ZIC4: variants seen among roughly 807,000 people sequenced by gnomAD.
ZIC4 encodes the protein Zic family zinc finger 4.
In ZIC4, 15 loss-of-function variants were observed where a neutral mutation model predicts 28.8. That is an observed-to-expected ratio of 0.52 (90% confidence interval 0.35 to 0.80). The LOEUF (loss-of-function observed/expected upper bound fraction) is 0.80. ZIC4 is among the 30% of genes least tolerant of loss of function. The pLI, the probability that ZIC4 is intolerant of heterozygous loss-of-function variation, is 0.01. For missense variants in ZIC4, 512 were observed against 467.1 expected (o/e 1.10, Z -0.89); for synonymous variants, 220 against 198.1 (o/e 1.11, Z -0.93).
chr3:147,403,004 A>G (rs1576464490), intron 1 of ZIC4, among the ~76,000 whole-genome samples, 192 bp from the exon 2 acceptor site: 1 of 152,310 alleles, frequency 6.6e-6, no homozygotes, highest in East Asian at 1.9e-4. Flanking sequence ...TTGCAAAATG[A>G]TATATCTTTG....
chr3:147,398,504 G>T (rs1384897740), intron 2 of ZIC4, among the ~76,000 whole-genome samples: 1 of 151,738 alleles, frequency 6.6e-6, no homozygotes, highest in Non-Finnish European at 1.5e-5. Flanking sequence ...GGCAAAAGCC[G>T]AGGGTCGGGG....
intron 3 of ZIC4, among the ~76,000 whole-genome samples, chr3:147,395,588 CAT>C (rs1355993459): frequency 6.6e-6 from 1 of 152,190 alleles, no homozygotes; most frequent in African/African-American, 2.4e-5. Context: ...GCAGAGAGCA[CAT>C]GTTTGCACAC....
intron 3 of ZIC4, among the ~76,000 whole-genome samples, chr3:147,395,486 G>C (rs1470684323): frequency 1.3e-5 from 2 of 152,170 alleles, no homozygotes; most frequent in African/African-American, 4.8e-5. Context: ...CAATTCCAAA[G>C]GGACAAGGAA....
chr3:147,398,920 T>A (rs954867492), intron 2 of ZIC4, among the ~76,000 whole-genome samples: 2 of 152,028 alleles, frequency 1.3e-5, no homozygotes, highest in African/African-American at 4.8e-5. Flanking sequence ...TGTATAACAG[T>A]TGGCAGATTC....
In ZIC4 at chr3:147,396,229, G is replaced by A. The variant is rs1266379551; in HGVS notation, c.311C>T (p.Thr104Met). The A allele has an allele frequency of 3.1e-6, 5 of 1,613,876 alleles. No homozygotes were observed. The highest frequency in any genetic ancestry group is 4.2e-6 in the Non-Finnish European group (5 of 1,179,922). The change falls in exon 3 of 5, where the codon ACG becomes ATG. Residue 104 changes from threonine to methionine, a missense_variant. Physicochemically the swap from Thr to Met is moderately conservative, Grantham distance 81. Around this residue, in one of 3 missense-constraint regions of ZIC4, gnomAD observed 310 missense variants for 256.5 expected, o/e 1.21. Transcript: ENST00000383075. This position sits in a 1 kb window ranked among gnomAD's most constrained non-coding sequence, Gnocchi z 4.2. Reference protein sequence around the residue: ...ALHGYGGMNLTVNLAAPHGPG... With the variant: ...ALHGYGGMNLMVNLAAPHGPG... ...ACCGTGGGGCGCAGCGAGGTTCACC[G>A]TCAGGTTCATGCCCCCGTAGCCATG...
chr3:147,397,431 C>T (rs1285388437), intron 2 of ZIC4, among the ~76,000 whole-genome samples: 3 of 152,062 alleles, frequency 2.0e-5, no homozygotes, highest in Non-Finnish European at 4.4e-5. Context: ...ACCCCCACAG[C>T]ATCTCAAGCT....
Position 147,402,806 on chromosome 3 carries a change from T to G in ZIC4, c.-9A>C. 1 of 1,613,456 alleles carries G rather than the reference T, an allele frequency of 6.2e-7. No individual in the cohort carries two copies. Among genetic ancestry groups the G allele is most frequent in the Non-Finnish European group, 8.5e-7 (1 of 1,179,832 alleles). Reference sequence around the variant, plus strand: ...GATGTCTTGTATCTCATTTTCTGACTTTGAGCCTGTTTGGGAAGAAAAGAG... The same window carrying G: ...GATGTCTTGTATCTCATTTTCTGACGTTGAGCCTGTTTGGGAAGAAAAGAG... On this transcript the variant is annotated 5_prime_UTR_variant, in exon 2 of 5. Transcript: ENST00000383075.
chr3:147,402,861 G>T, intron 1 of ZIC4, 49 bp from the exon 2 acceptor site: 1 of 1,484,834 alleles, frequency 6.7e-7, no homozygotes, highest in Non-Finnish European at 9.4e-7. Context: ...AATTTTACAC[G>T]TCTGTGTGGC....
intron 3 of ZIC4, chr3:147,393,613 G>A (rs1401599095): frequency 1.4e-5 from 4 of 281,806 alleles, no homozygotes; most frequent in African/African-American, 9.2e-5. Context: ...AACAAAGTTC[G>A]GAAGCTCGGG....
chr3:147,392,314 G>A, intron 3 of ZIC4: 10 of 985,746 alleles, frequency 1.0e-5, no homozygotes, highest in Non-Finnish European at 1.2e-5. Flanking sequence ...GCATAGGCCG[G>A]GGAGGGGCTG....
Position 147,395,869 on chromosome 3 carries a change from T to C in ZIC4, c.671A>G (p.His224Arg). ...VFARSENLKI[H>R]KRTHTGEKPF... The stretch of plus-strand genomic sequence containing the variant: ...ATACTGACCTGTGTGAGTTCGTTTG[T>C]GTATTTTGAGATTTTCTGATCTAGC... Residue 224 changes from histidine (H) to arginine (R), a missense_variant, in exon 3 of 5, where the codon CAC becomes CGC. Physicochemically the swap from His to Arg is conservative, Grantham distance 29. Around this residue, in one of 3 missense-constraint regions of ZIC4, gnomAD observed 58 missense variants for 93.8 expected, o/e 0.62. Coordinates refer to ENST00000383075, the MANE Select transcript of ZIC4 (RefSeq NM_032153.6). 2 of 1,613,476 alleles carry C rather than the reference T, an allele frequency of 1.2e-6. No individual in the cohort carries two copies. Among genetic ancestry groups the C allele is most frequent in the Non-Finnish European group, 1.7e-6 (2 of 1,179,566 alleles).
At chr3:147,397,703 G>A (rs1021635587) in intron 2 of ZIC4, among the ~76,000 whole-genome samples, 8 of 152,188 alleles carry the variant, frequency 5.3e-5, no homozygotes, top group African/African-American at 1.9e-4. Flanking sequence ...AGAGGAGGGG[G>A]TCGGGATCGA....
chr3:147,396,577 T>G lies in ZIC4; in HGVS notation c.71-108A>C. 1.5e-6 allele frequency: 2 copies of G among 1,357,672 alleles called. No individual in the cohort carries two copies. The highest frequency in any genetic ancestry group is 1.9e-6 in the Non-Finnish European group (2 of 1,039,374). 84.1% of individuals were successfully genotyped at this position (1,357,672 alleles called of 1,614,324 possible). On this transcript the variant is annotated intron_variant, in intron 2 of 4. Coordinates refer to ENST00000383075, the MANE Select transcript of ZIC4 (RefSeq NM_032153.6). The surrounding 1 kb of genome is among the most constrained non-coding windows in gnomAD (Gnocchi z 4.2). ...CCCTGCCGCACTACGGCCTCTGCAGTCAGCCGTGGAACTCAGAGCCAGACA... is the reference window on the plus strand; with the variant it reads ...CCCTGCCGCACTACGGCCTCTGCAGGCAGCCGTGGAACTCAGAGCCAGACA...
At chr3:147,404,004 C>T (rs865778161) in intron 1 of ZIC4, 1 of 1,537,034 alleles carries the variant, frequency 6.5e-7, no homozygotes, top group Non-Finnish European at 8.7e-7. Flanking sequence ...TCTTTCTAAC[C>T]AAAAGGCATT....
chr3:147,402,684 A>G, intron 2 of ZIC4, 44 bp downstream of exon 2: 1 of 1,524,812 alleles, frequency 6.6e-7, no homozygotes, highest in African/African-American at 1.4e-5. Flanking sequence ...AAGAAGAAGA[A>G]AAGAAACCAG....
Position 147,396,547 on chromosome 3 carries a change from C to G in ZIC4, c.71-78G>C. On this transcript the variant is annotated intron_variant, in intron 2 of 4. Transcript: ENST00000383075. This position sits in a 1 kb window ranked among gnomAD's most constrained non-coding sequence, Gnocchi z 4.2. ...TCTTCCCTGGGCCCCGGGGGGCAGGCCCAGCCCTGCCGCACTACGGCCTCT... is the reference window on the plus strand; with the variant it reads ...TCTTCCCTGGGCCCCGGGGGGCAGGGCCAGCCCTGCCGCACTACGGCCTCT... The G allele has an allele frequency of 6.9e-7, 1 of 1,453,802 alleles. No individual in the cohort carries two copies. Among genetic ancestry groups the G allele is most frequent in the East Asian group, 2.4e-5 (1 of 41,474 alleles). The allele number at this position is 1,453,802 out of a possible 1,614,324, so 90.1% of individuals were successfully genotyped here.
chr3:147,399,846 AGT>A (rs1240903260), intron 2 of ZIC4, among the ~76,000 whole-genome samples: 1 of 151,994 alleles, frequency 6.6e-6, no homozygotes, highest in Admixed American at 6.6e-5. Context: ...TTGTATTTTT[AGT>A]AAAGACGGAG....
rs1212924562 is a variant in ZIC4 at position 147,387,499 on chromosome 3, C to T, written c.*1360G>A. On this transcript the variant is annotated 3_prime_UTR_variant, in exon 5 of 5. Coordinates refer to ENST00000383075, the MANE Select transcript of ZIC4 (RefSeq NM_032153.6). The stretch of plus-strand genomic sequence containing the variant: ...AAGCGGACCATCCTTTTTATTCAAC[C>T]ACAAGGACTGGCACTAAAGAAGACT... 2.0e-5 allele frequency: 3 copies of T among 152,576 alleles called. No homozygotes were observed. In the South Asian group the frequency reaches 6.2e-4, roughly 32 times the overall value. 9.5% of individuals were successfully genotyped at this position (152,576 alleles called of 1,614,324 possible).
intron 1 of ZIC4, among the ~76,000 whole-genome samples, chr3:147,405,044 C>T (rs1187988115): frequency 6.6e-6 from 1 of 152,254 alleles, no homozygotes; most frequent in Non-Finnish European, 1.5e-5. Context: ...ATTTACTCAT[C>T]TGCACCCTGC....
Sources: gnomAD v4.1 joint callset for allele counts (sites outside exome capture counted in the v4.1 genomes callset) on GRCh38, gnomAD v4.1.1 for gene constraint, gnomAD v4.1.1 regional missense constraint, Gnocchi (gnomAD v3.1) non-coding constraint, MANE v1.5 for transcripts, NCBI Gene and HGNC (gene_info 2026-07-23, HGNC 2026-07-21) for gene names.